The following TTC21B variants were observed in gnomAD, a reference collection of about 807,000 sequenced individuals.
The protein encoded by TTC21B is tetratricopeptide repeat protein 21B.
A neutral mutation model predicts 175.1 loss-of-function variants in TTC21B; 127 were observed. The observed-to-expected ratio is 0.73, with a 90% CI of 0.63 to 0.84. TTC21B has a LOEUF of 0.84. Among genes scored for constraint, TTC21B ranks in the 40% least tolerant of loss-of-function variants. The pLI is 0.00. For missense variants in TTC21B, 1,561 were observed against 1,558.3 expected, an observed-to-expected ratio of 1.00 and a Z score of -0.03; for synonymous variants, 524 against 524.5, an observed-to-expected ratio of 1.00 and a Z score of 0.01.
chr2:165,897,971 G>A (rs1685425718), intron 22 of TTC21B, among the ~76,000 whole-genome samples: 1 of 152,196 alleles, frequency 6.6e-6, no homozygotes, highest in East Asian at 1.9e-4. Flanking sequence ...CGACCACATT[G>A]CAGAAGTGAC....
intron 19 of TTC21B, among the ~76,000 whole-genome samples, chr2:165,905,862 T>C (rs1685710597): frequency 7.5e-6 from 1 of 133,136 alleles, no homozygotes; most frequent in African/African-American, 2.6e-5. Flanking sequence ...AAAGTAATTG[T>C]GGTTACAGTA....
chr2:165,889,532 TGAA>T (rs148874791), intron 24 of TTC21B, among the ~76,000 whole-genome samples: 6,762 of 152,216 alleles, frequency 0.044, 205 homozygotes, highest in African/African-American at 0.084. Context: ...TTGAATTGCC[TGAA>T]GAAGATTTCC....
At chr2:165,898,246 C>T (rs765082343) in intron 22 of TTC21B, among the ~76,000 whole-genome samples, 1 of 151,894 alleles carries the variant, frequency 6.6e-6, no homozygotes, top group African/African-American at 2.4e-5. Flanking sequence ...TGGCCACAGG[C>T]GGGATCACAG....
At chr2:165,913,462 C>G in intron 16 of TTC21B, 112 bp downstream of exon 16, 3 of 725,036 alleles carry the variant, frequency 4.1e-6, no homozygotes, top group Non-Finnish European at 7.2e-6. Context: ...ACTGTGATGG[C>G]TGGATCTTCA....
chr2:165,929,250 T>C lies in TTC21B; in HGVS notation c.1271A>G (p.Asp424Gly). 1.2e-6 allele frequency: 2 copies of C among 1,612,958 alleles called. No homozygotes were observed. The highest frequency in any genetic ancestry group is 1.1e-5 in the South Asian group (1 of 91,032). Residue 424 changes from aspartate to glycine, a missense_variant, in exon 11 of 29, where the codon GAC becomes GGC. By Grantham distance (94) the Asp-to-Gly change is moderately conservative. Transcript: ENST00000243344. ...EVINLLNDVL[D>G]THFSQLEGLP... ...ACCTTCTAATTGTGAAAAGTGAGTG[T>C]CCAGGACATCATTTAACAAATTAAT...
At chr2:165,875,424 G>C (rs1684635440) in intron 28 of TTC21B, among the ~76,000 whole-genome samples, 1 of 152,070 alleles carries the variant, frequency 6.6e-6, no homozygotes, top group South Asian at 2.1e-4. Context: ...ACAGATTGCT[G>C]TGTGGGATAA....
At chr2:165,913,059 G>C (rs1337280758) in intron 16 of TTC21B, among the ~76,000 whole-genome samples, 4 of 149,152 alleles carry the variant, frequency 2.7e-5, no homozygotes, top group Non-Finnish European at 1.5e-5. Context: ...TTTTTTTTGA[G>C]ATGGAGTTTT....
At position 165,930,732 on chromosome 2, in the gene TTC21B, G is replaced by GTGTGTGT; in HGVS notation, c.895-369_895-368insACACACA. On this transcript the variant is annotated intron_variant, in intron 8 of 28. Coordinates refer to ENST00000243344, the MANE Select transcript of TTC21B (RefSeq NM_024753.5). ...TATTTTATGGTTACGTGGGTATGGG[G>GTGTGTGT]GTGTGTGTGTGTGTGTGTGTGTGTG... Among the ~76,000 whole-genome samples the GTGTGTGT allele has an allele frequency of 1.7e-3, 185 of 110,104 alleles. 8 individuals carry two copies. The highest frequency in any genetic ancestry group is 5.3e-3 in the South Asian group (16 of 3,038). 72.2% of individuals were successfully genotyped at this position (110,104 alleles called of 152,430 possible).
intron 1 of TTC21B, among the ~76,000 whole-genome samples, chr2:165,952,391 C>T (rs6712654): frequency 1 from 151,866 of 152,336 alleles, 75,699 homozygotes; most frequent in Middle Eastern, 1. Flanking sequence ...ATAGACCATA[C>T]GGTCCATAAA....
intron 1 of TTC21B, 22 bp from the exon 2 acceptor site, chr2:165,949,746 A>C: frequency 6.2e-7 from 1 of 1,600,072 alleles, no homozygotes; most frequent in Non-Finnish European, 8.6e-7. Flanking sequence ...TAATGAAAAA[A>C]TGTTATAAAG....
At chr2:165,901,617 C>T in intron 20 of TTC21B, 105 bp downstream of exon 20, 1 of 1,145,134 alleles carries the variant, frequency 8.7e-7, no homozygotes, top group South Asian at 1.3e-5. Context: ...GCCACTGCAC[C>T]CTGCCTACAT....
At chr2:165,918,776 T>A (rs191150129) in intron 13 of TTC21B, among the ~76,000 whole-genome samples, 1 of 152,140 alleles carries the variant, frequency 6.6e-6, no homozygotes, top group African/African-American at 2.4e-5. Flanking sequence ...ACACATAATA[T>A]CTTGGATAGA....
chr2:165,894,101 A>C (rs1329391007), intron 22 of TTC21B, among the ~76,000 whole-genome samples: 2 of 152,166 alleles, frequency 1.3e-5, no homozygotes, highest in African/African-American at 2.4e-5. Flanking sequence ...GCACTAGTTC[A>C]GATGAGAGGT....
rs188141708 is a variant in TTC21B, at chr2:165,935,381, G to A, written c.711-2324C>T. ...AAGAGGTATGTGTGTATGCATGTGT[G>A]TACAGTGCACTATACTGAACAGTGA... On this transcript the variant is annotated intron_variant, in intron 6 of 28. Transcript: ENST00000243344. 2.7e-3 allele frequency among the ~76,000 whole-genome samples: 415 copies of A among 151,322 alleles called. 5 individuals are homozygous for A. Among genetic ancestry groups the A allele is most frequent in the Non-Finnish European group, 1.8e-3 (122 of 68,018 alleles).
At chr2:165,935,097 G>C (rs557268336) in intron 6 of TTC21B, among the ~76,000 whole-genome samples, 233 of 152,288 alleles carry the variant, frequency 1.5e-3, no homozygotes, top group Middle Eastern at 6.8e-3. Context: ...AGTGTTATGA[G>C]GTCTTAGGAG....
intron 14 of TTC21B, among the ~76,000 whole-genome samples, chr2:165,917,008 C>G (rs1686199073): frequency 6.6e-6 from 1 of 152,092 alleles, no homozygotes; most frequent in African/African-American, 2.4e-5. Flanking sequence ...TCCCGAGCAG[C>G]TGGAACTACA....
At chr2:165,949,895 G>A in intron 1 of TTC21B, 171 bp from the exon 2 acceptor site, 1 of 592,700 alleles carries the variant, frequency 1.7e-6, no homozygotes, top group South Asian at 2.2e-5. Context: ...GCTAAGGATT[G>A]CAGAACTGAA....
At chr2:165,953,309 A>C (rs1574152077) in intron 1 of TTC21B, among the ~76,000 whole-genome samples, 1 of 152,276 alleles carries the variant, frequency 6.6e-6, no homozygotes, top group South Asian at 2.1e-4. Context: ...CGCTCTTTTT[A>C]CTGTCCAGTG....
intron 3 of TTC21B, among the ~76,000 whole-genome samples, chr2:165,946,889 TAGAA>T (rs1206676200): frequency 1.3e-5 from 2 of 151,900 alleles, no homozygotes; most frequent in Non-Finnish European, 2.9e-5. Flanking sequence ...ATTCCCAAAA[TAGAA>T]AGGCTGTATA....
Sources: gnomAD v4.1 joint callset for allele counts (sites outside exome capture counted in the v4.1 genomes callset) on GRCh38, gnomAD v4.1.1 for gene constraint, MANE v1.5 for transcripts, NCBI Gene and HGNC (gene_info 2026-07-23, HGNC 2026-07-21) for gene names.